CFAP61: variants seen among roughly 807,000 people sequenced by gnomAD.
The protein encoded by CFAP61 is cilia and flagella associated protein 61.
In CFAP61, 107 loss-of-function variants were observed where a neutral mutation model predicts 135.6. The observed-to-expected ratio is 0.79, with a 90% CI of 0.67 to 0.93. CFAP61 has a LOEUF of 0.93. CFAP61 is among the 40% of genes least tolerant of loss of function. CFAP61 has a pLI of 0.00. For synonymous variants in CFAP61, 575 were observed against 578.5 expected, an observed-to-expected ratio of 0.99 and a Z score of 0.09; for missense variants, 1,507 against 1,556.2, an observed-to-expected ratio of 0.97 and a Z score of 0.53.
intron 9 of CFAP61, among the ~76,000 whole-genome samples, chr20:20,157,862 A>T (rs2053064045): frequency 6.6e-6 from 1 of 152,236 alleles, no homozygotes; most frequent in South Asian, 2.1e-4. Context: ...ATATTTGCAA[A>T]TTACATATCT....
intron 13 of CFAP61, among the ~76,000 whole-genome samples, chr20:20,186,592 T>G (rs1440573122): frequency 6.6e-6 from 1 of 152,216 alleles, no homozygotes; most frequent in African/African-American, 2.4e-5. Context: ...TGAACTAGAT[T>G]TTGGTGTAAG....
intron 18 of CFAP61, among the ~76,000 whole-genome samples, chr20:20,232,469 G>A (rs569984186): frequency 6.6e-6 from 1 of 152,174 alleles, no homozygotes; most frequent in East Asian, 1.9e-4. Flanking sequence ...TTCACTCCTG[G>A]TGTGGCGCGT....
chr20:20,261,004 G>T (rs1328693882), intron 20 of CFAP61, among the ~76,000 whole-genome samples: 1 of 152,158 alleles, frequency 6.6e-6, no homozygotes, highest in Non-Finnish European at 1.5e-5. Context: ...TTTTAGTGGG[G>T]TATTACTAAA....
chr20:20,279,573 A>G (rs1378867184), intron 22 of CFAP61, among the ~76,000 whole-genome samples: 1 of 151,724 alleles, frequency 6.6e-6, no homozygotes, highest in African/African-American at 2.4e-5. Context: ...AAGGAAGAGG[A>G]GGGGTGGGTC....
At chr20:20,054,414 T>TACACACACACAC (rs371567134) in intron 1 of CFAP61, among the ~76,000 whole-genome samples, 10 of 151,478 alleles carry the variant, frequency 6.6e-5, no homozygotes, top group African/African-American at 1.9e-4. Flanking sequence ...TATATATATA[T>TACACACACACAC]ACACACACAC....
chr20:20,064,499 A>C (rs1301265667), intron 2 of CFAP61, among the ~76,000 whole-genome samples: 1 of 152,122 alleles, frequency 6.6e-6, no homozygotes, highest in Non-Finnish European at 1.5e-5. Context: ...CAGTTACCAG[A>C]TCTAATACTA....
intron 9 of CFAP61, among the ~76,000 whole-genome samples, chr20:20,149,507 C>T (rs1230061143): frequency 1.3e-5 from 2 of 152,134 alleles, no homozygotes; most frequent in Non-Finnish European, 2.9e-5. Context: ...GCAATTGCCA[C>T]AAGACAGGCG....
At chr20:20,056,548 A>T (rs552957257) in intron 1 of CFAP61, 70 bp from the exon 2 acceptor site, 1 of 1,068,858 alleles carries the variant, frequency 9.4e-7, no homozygotes, top group Middle Eastern at 2.6e-4. Flanking sequence ...CTCTGACCAC[A>T]TGGAAATTGA....
chr20:20,122,550 T>G (rs1489544741), intron 8 of CFAP61, among the ~76,000 whole-genome samples: 1 of 152,214 alleles, frequency 6.6e-6, no homozygotes, highest in Non-Finnish European at 1.5e-5. Context: ...TTACTTCACT[T>G]AGAATAATAG....
At chr20:20,093,009 C>T (rs572496374) in intron 7 of CFAP61, among the ~76,000 whole-genome samples, 27 of 152,234 alleles carry the variant, frequency 1.8e-4, no homozygotes, top group East Asian at 7.7e-4. Context: ...GAGATGTGTA[C>T]GCAAATGTTC....
intron 8 of CFAP61, among the ~76,000 whole-genome samples, chr20:20,102,870 C>T (rs1005451656): frequency 6.6e-6 from 1 of 152,150 alleles, no homozygotes; most frequent in African/African-American, 2.4e-5. Flanking sequence ...CCCTTTCAAG[C>T]AGAATAATGT....
intron 8 of CFAP61, among the ~76,000 whole-genome samples, chr20:20,104,250 CTT>C (rs557188147): frequency 1.3e-5 from 2 of 148,890 alleles, no homozygotes; most frequent in African/African-American, 2.5e-5. Context: ...TTGCCTTTAA[CTT>C]TTTTTTTTTA....
At position 20,251,734 on chromosome 20, in the gene CFAP61, C is replaced by CTCAT. The variant is rs753336863; in HGVS notation, c.2300_2303dup (p.Leu769HisfsTer17). On this transcript the variant is annotated frameshift_variant, in exon 20 of 27. Transcript: ENST00000245957. LOFTEE classifies it high-confidence loss of function. ...GGACGAGATCGTGCCCTACGACCAC[C>CTCAT]TCATCCTCTGCACCGGGCAGCAGTA... 2 of 1,613,988 alleles carry CTCAT rather than the reference C, an allele frequency of 1.2e-6. No homozygotes were observed. Among genetic ancestry groups the CTCAT allele is most frequent in the Admixed American group, 3.3e-5 (2 of 60,034 alleles).
intron 21 of CFAP61, among the ~76,000 whole-genome samples, chr20:20,266,201 C>T (rs2052730695): frequency 6.6e-6 from 1 of 152,238 alleles, no homozygotes; most frequent in Non-Finnish European, 1.5e-5. Flanking sequence ...CTTCAGTCAC[C>T]TTGTGACCTC....
At chr20:20,292,075 C>A (rs1485807799) in intron 24 of CFAP61, among the ~76,000 whole-genome samples, 3 of 152,212 alleles carry the variant, frequency 2.0e-5, no homozygotes, top group African/African-American at 7.2e-5. Context: ...GGGGCCTACT[C>A]AAATGGCACA....
intron 18 of CFAP61, among the ~76,000 whole-genome samples, chr20:20,245,272 C>T (rs534283420): frequency 6.6e-6 from 1 of 152,210 alleles, no homozygotes; most frequent in African/African-American, 2.4e-5. Context: ...TGCTGATAAA[C>T]ATAAGCATAC....
chr20:20,117,122 G>T (rs1040943060), intron 8 of CFAP61, among the ~76,000 whole-genome samples: 1 of 152,076 alleles, frequency 6.6e-6, no homozygotes, highest in Non-Finnish European at 1.5e-5. Context: ...TTTGGAGGCC[G>T]AGGTGGGTGG....
At chr20:20,145,290 G>A (rs1306366988) in intron 9 of CFAP61, among the ~76,000 whole-genome samples, 4 of 152,212 alleles carry the variant, frequency 2.6e-5, no homozygotes, top group East Asian at 1.9e-4. Flanking sequence ...ACTATTTTAA[G>A]GTTCTTATAT....
At chr20:20,280,043 A>G (rs112964392) in intron 22 of CFAP61, among the ~76,000 whole-genome samples, 123 of 152,164 alleles carry the variant, frequency 8.1e-4, no homozygotes, top group African/African-American at 2.9e-3. Flanking sequence ...ATCCCCTAGA[A>G]AGATATGTTG....
Sources: gnomAD v4.1 joint callset for allele counts (sites outside exome capture counted in the v4.1 genomes callset) on GRCh38, gnomAD v4.1.1 for gene constraint, MANE v1.5 for transcripts, NCBI Gene and HGNC (gene_info 2026-07-23, HGNC 2026-07-21) for gene names.